The following TANGO6 variants were observed in gnomAD, a reference collection of about 807,000 sequenced individuals.
TANGO6 encodes transport and golgi organization 6 homolog.
TANGO6 carries 90 observed loss-of-function variants against 114.2 expected under a neutral mutation model. That is an observed-to-expected ratio of 0.79 (90% confidence interval 0.66 to 0.94). TANGO6 has a LOEUF of 0.94. TANGO6 is among the 40% of genes least tolerant of loss of function. TANGO6 has a pLI of 0.00. For missense variants in TANGO6, 1,274 were observed against 1,315.3 expected (o/e 0.97, Z 0.49); for synonymous variants, 477 against 509.8 (o/e 0.94, Z 0.87).
chr16:68,858,781 TC>T (rs1323845233), intron 1 of TANGO6, among the ~76,000 whole-genome samples: 6 of 152,070 alleles, frequency 3.9e-5, no homozygotes, highest in Non-Finnish European at 8.8e-5. Flanking sequence ...CTGTGCCTGG[TC>T]CTTTTTACTT....
At chr16:68,973,937 T>C in intron 14 of TANGO6, 91 bp from the exon 15 acceptor site, 1 of 1,426,804 alleles carries the variant, frequency 7.0e-7, no homozygotes, top group East Asian at 2.5e-5. Context: ...GTTTTCAGCA[T>C]CTCTGCGTTC....
chr16:69,031,245 C>T (rs915205868), intron 16 of TANGO6, among the ~76,000 whole-genome samples: 4 of 151,946 alleles, frequency 2.6e-5, no homozygotes, highest in African/African-American at 9.7e-5. Context: ...AAATTGTGAG[C>T]ACAACAAGGG....
intron 14 of TANGO6, among the ~76,000 whole-genome samples, chr16:68,950,710 T>C (rs1233231257): frequency 6.9e-6 from 1 of 144,688 alleles, no homozygotes; most frequent in Admixed American, 7.1e-5. Flanking sequence ...AGTACTAAAA[T>C]TAGCCAGGTG....
At position 68,862,920 on chromosome 16, in the gene TANGO6, A is replaced by G. The variant is rs367839745; in HGVS notation, c.736-25A>G. 9 of 1,501,312 alleles carry G rather than the reference A, an allele frequency of 6.0e-6. No individual in the cohort carries two copies. In the African/African-American group the frequency reaches 8.3e-5, roughly 14 times the overall value. 93.0% of individuals were successfully genotyped at this position (1,501,312 alleles called of 1,614,324 possible). On this transcript the variant is annotated intron_variant, in intron 2 of 17. Coordinates refer to ENST00000261778, the MANE Select transcript of TANGO6 (RefSeq NM_024562.2). The stretch of plus-strand genomic sequence containing the variant: ...TTGTCTGCCTGGTTTGAATTCCACT[A>G]AAGCCAAGTGCATATTTCTTTTAGG...
chr16:68,881,691 A>C (rs1348418212), intron 7 of TANGO6, among the ~76,000 whole-genome samples: 4 of 152,168 alleles, frequency 2.6e-5, no homozygotes, highest in African/African-American at 9.7e-5. Context: ...AAGAATGAAA[A>C]TTTGCTTTTC....
intron 17 of TANGO6, among the ~76,000 whole-genome samples, chr16:69,043,283 AGTGTGT>A (rs57443398): frequency 0.25 from 37,236 of 146,554 alleles, 5,457 homozygotes; most frequent in East Asian, 0.48. Flanking sequence ...AGACAGAGCG[AGTGTGT>A]GTGTGTGTGT....
Position 69,055,344 on chromosome 16 carries a change from C to T in TANGO6, c.3108+14923C>T, listed in dbSNP as rs1960016869. On this transcript the variant is annotated intron_variant, in intron 17 of 17. Coordinates refer to ENST00000261778, the MANE Select transcript of TANGO6 (RefSeq NM_024562.2). The stretch of plus-strand genomic sequence containing the variant: ...AGAATCACAAACTGGAATACTCCAT[C>T]TCCTGTCTATGCTTCCCTTTCATTT... Among the ~76,000 whole-genome samples the T allele has an allele frequency of 2.6e-5, 4 of 152,314 alleles. No individual in the cohort carries two copies. The South Asian group carries it at 8.3e-4, about 32-fold the overall frequency.
At chr16:68,991,780 G>A (rs370423479) in intron 15 of TANGO6, among the ~76,000 whole-genome samples, 3 of 152,192 alleles carry the variant, frequency 2.0e-5, no homozygotes, top group African/African-American at 4.8e-5. Flanking sequence ...AGCCAAGATC[G>A]TGCCACTGCA....
chr16:68,871,949 G>T (rs1962277606), intron 4 of TANGO6, among the ~76,000 whole-genome samples: 1 of 151,934 alleles, frequency 6.6e-6, no homozygotes, highest in Non-Finnish European at 1.5e-5. Flanking sequence ...TTGTCTTAAT[G>T]GGCCAGGCGC....
chr16:68,893,336 G>A (rs1044434856), intron 7 of TANGO6, among the ~76,000 whole-genome samples: 5 of 152,200 alleles, frequency 3.3e-5, no homozygotes, highest in East Asian at 3.9e-4. Flanking sequence ...ACTGGTCAGC[G>A]GAAATATTCA....
rs114056707 is a variant in TANGO6 at position 68,934,110 on chromosome 16, G to A, written c.2701+3815G>A. 7.7e-3 allele frequency among the ~76,000 whole-genome samples: 1,160 copies of A among 150,506 alleles called. 14 individuals are homozygous for A. The highest frequency in any genetic ancestry group is 0.027 in the African/African-American group (1,092 of 40,836). On this transcript the variant is annotated intron_variant, in intron 14 of 17. Coordinates refer to ENST00000261778, the MANE Select transcript of TANGO6 (RefSeq NM_024562.2). Reference sequence around the variant, plus strand: ...CAGGGTAGAGTATAGTGGCATGATCGTGGTTCATTGTTACCTCTAACTCCT... The same window carrying A: ...CAGGGTAGAGTATAGTGGCATGATCATGGTTCATTGTTACCTCTAACTCCT...
chr16:69,015,631 G>A (rs1217391173), intron 15 of TANGO6, among the ~76,000 whole-genome samples: 5 of 151,766 alleles, frequency 3.3e-5, no homozygotes, highest in African/African-American at 9.7e-5. Context: ...ACAGGCGCCC[G>A]CCACCACGCC....
At position 68,846,477 on chromosome 16, in the gene TANGO6, T is replaced by C. The variant is rs112945185; in HGVS notation, c.94+2766T>C. 1,309 of 329,878 alleles carry C rather than the reference T, an allele frequency of 4.0e-3. 7 individuals carry two copies. Among genetic ancestry groups the C allele is most frequent in the Middle Eastern group, 8.9e-3 (8 of 898 alleles). 20.4% of individuals were successfully genotyped at this position (329,878 alleles called of 1,614,324 possible). ...GTTCAATCACCTTTTCAAATAATTA[T>C]GTACATTCTTTTATACGATTCTTTC... On this transcript the variant is annotated intron_variant, in intron 1 of 17. Transcript: ENST00000261778.
intron 17 of TANGO6, among the ~76,000 whole-genome samples, chr16:69,044,836 A>T (rs2152235420): frequency 6.6e-6 from 1 of 152,244 alleles, no homozygotes; most frequent in East Asian, 1.9e-4. Context: ...GGGCTACGTA[A>T]GCAAGACCTT....
intron 17 of TANGO6, among the ~76,000 whole-genome samples, chr16:69,042,755 G>A (rs1427588796): frequency 6.6e-6 from 1 of 152,090 alleles, no homozygotes; most frequent in African/African-American, 2.4e-5. Flanking sequence ...TGTATGAGAG[G>A]GAGTTAAGAA....
chr16:68,975,460 A>G (rs896675871), intron 15 of TANGO6, among the ~76,000 whole-genome samples: 7 of 152,040 alleles, frequency 4.6e-5, no homozygotes, highest in Non-Finnish European at 7.4e-5. Context: ...GACTCAAGCA[A>G]TCCTCCCACC....
chr16:68,990,936 C>T (rs1371132561), intron 15 of TANGO6, among the ~76,000 whole-genome samples: 1 of 152,146 alleles, frequency 6.6e-6, no homozygotes, highest in Non-Finnish European at 1.5e-5. Context: ...TGGGACAAGA[C>T]TTGAAGCAGA....
chr16:68,909,721 A>T (rs1192240431), intron 11 of TANGO6: 1 of 175,356 alleles, frequency 5.7e-6, no homozygotes, highest in East Asian at 1.5e-4. Flanking sequence ...TTTTCAATAT[A>T]TTGATAGCCA....
intron 15 of TANGO6, among the ~76,000 whole-genome samples, chr16:68,983,670 G>C: frequency 6.6e-6 from 1 of 152,112 alleles, no homozygotes. Flanking sequence ...AGTTGAGTGT[G>C]GCAGTGTGCT....
Sources: allele counts gnomAD v4.1 joint callset (sites outside exome capture counted in the v4.1 genomes callset), GRCh38; gene constraint gnomAD v4.1.1; transcripts MANE v1.5; gene names NCBI Gene and HGNC (gene_info 2026-07-23, HGNC 2026-07-21).